The following PDGFD variants were observed in gnomAD, a reference collection of about 807,000 sequenced individuals.
PDGFD encodes platelet derived growth factor D.
A neutral mutation model predicts 44.7 loss-of-function variants in PDGFD; 30 were observed. The ratio of observed to expected loss-of-function variants is 0.67; its 90% CI spans 0.50 to 0.91. The LOEUF (loss-of-function observed/expected upper bound fraction) is 0.91. Among genes scored for constraint, PDGFD ranks in the 40% least tolerant of loss-of-function variants. The probability of loss-of-function intolerance (pLI) is 0.00; values close to 1 mark genes in which losing one functional copy is unlikely to be tolerated. For missense variants in PDGFD, 445 were observed against 457.8 expected, an observed-to-expected ratio of 0.97 and a Z score of 0.25; for synonymous variants, 173 against 168.4, an observed-to-expected ratio of 1.03 and a Z score of -0.21.
intron 5 of PDGFD, among the ~76,000 whole-genome samples, chr11:103,941,658 G>A (rs1245139725): frequency 6.6e-6 from 1 of 151,958 alleles, no homozygotes; most frequent in Non-Finnish European, 1.5e-5. Flanking sequence ...TAAGTGGCAG[G>A]GTTAGAATTT....
intron 1 of PDGFD, among the ~76,000 whole-genome samples, chr11:104,161,656 T>C (rs1862389742): frequency 6.6e-6 from 1 of 152,222 alleles, no homozygotes; most frequent in Admixed American, 6.5e-5. Flanking sequence ...TTATATCTGC[T>C]AGCCCTTTGA....
chr11:103,954,498 G>A (rs1027871908), intron 3 of PDGFD, among the ~76,000 whole-genome samples: 2 of 152,190 alleles, frequency 1.3e-5, no homozygotes, highest in African/African-American at 4.8e-5. Context: ...GAGTAGATAA[G>A]CCATAAACTA....
intron 3 of PDGFD, among the ~76,000 whole-genome samples, chr11:103,974,070 T>C (rs113194198): frequency 1.6e-3 from 248 of 152,124 alleles, no homozygotes; most frequent in African/African-American, 5.6e-3. Flanking sequence ...GTTTACTGTG[T>C]AGAAAAGAAA....
At position 103,938,598 on chromosome 11, in the gene PDGFD, C is replaced by T. The variant is rs1241708962; in HGVS notation, c.772+4854G>A. 9.2e-5 allele frequency among the ~76,000 whole-genome samples: 14 copies of T among 152,206 alleles called. No homozygotes were observed. The South Asian group carries it at 2.7e-3, about 29-fold the overall frequency. On this transcript the variant is annotated intron_variant, in intron 5 of 6. Transcript: ENST00000393158. ...TCAATTTTGGCTTTTGTTGCCATTG[C>T]TTTTGGTGTTTTAGACATGAAGTCC...
intron 6 of PDGFD, among the ~76,000 whole-genome samples, chr11:103,919,502 CTTTT>C (rs71037206): frequency 5.6e-5 from 5 of 88,764 alleles, no homozygotes; most frequent in Admixed American, 1.4e-4. Context: ...AAGATTCTTC[CTTTT>C]TTTTTTTTTT....
chr11:103,950,551 G>A (rs1390510697), intron 3 of PDGFD, among the ~76,000 whole-genome samples: 2 of 94,938 alleles, frequency 2.1e-5, no homozygotes, highest in Non-Finnish European at 4.3e-5. Flanking sequence ...CAACAAGAGC[G>A]AAACTCTGTC....
At chr11:104,018,431 C>T (rs1417600444) in intron 1 of PDGFD, among the ~76,000 whole-genome samples, 3 of 152,166 alleles carry the variant, frequency 2.0e-5, no homozygotes, top group Non-Finnish European at 4.4e-5. Flanking sequence ...TCTTCTGTCT[C>T]CCTGGCCCTA....
In PDGFD at chr11:104,139,561, G is replaced by C. The variant is rs530684080; in HGVS notation, c.124+24243C>G. ...AAGACTAACACAAAAGTTACGTGTA[G>C]TAGCTACTGCTTTCAAGTAGATGCA... On this transcript the variant is annotated intron_variant, in intron 1 of 6. Coordinates refer to ENST00000393158, the MANE Select transcript of PDGFD (RefSeq NM_025208.5). 5.9e-5 allele frequency among the ~76,000 whole-genome samples: 9 copies of C among 152,296 alleles called. No individual in the cohort carries two copies. The East Asian group carries it at 1.7e-3, about 29-fold the overall frequency.
At chr11:104,155,984 A>G (rs1433272443) in intron 1 of PDGFD, among the ~76,000 whole-genome samples, 1 of 152,200 alleles carries the variant, frequency 6.6e-6, no homozygotes, top group African/African-American at 2.4e-5. Flanking sequence ...CCTAATATAT[A>G]CAACATAGGG....
In PDGFD at chr11:104,037,148, C is replaced by T. The variant is rs149392448; in HGVS notation, c.125-36893G>A. 2.4e-5 allele frequency: 39 copies of T among 1,613,670 alleles called. 1 individual carries two copies. The African/African-American group carries it at 4.9e-4, about 20-fold the overall frequency. Reference sequence around the variant, plus strand: ...GTGCCTGGGACGTCCAGCTCCCGTCCACAGCACCCTGGACAGCAGCAGCAG... The same window carrying T: ...GTGCCTGGGACGTCCAGCTCCCGTCTACAGCACCCTGGACAGCAGCAGCAG... On this transcript the variant is annotated intron_variant, in intron 1 of 6. Coordinates refer to ENST00000393158, the MANE Select transcript of PDGFD (RefSeq NM_025208.5).
Position 104,000,222 on chromosome 11 carries a change from T to A in PDGFD, c.158A>T (p.Asp53Val), listed in dbSNP as rs1479788326. The change falls in exon 2 of 7, where the codon GAT becomes GTT. Residue 53 changes from aspartate to valine, a missense_variant. Physicochemically the swap from Asp to Val is radical, Grantham distance 152 (BLOSUM62 -3). Transcript: ENST00000393158. Reference sequence around the variant, plus strand: ...GTTTCCTTTCACCTGGATGGTCTCATCTCTTCGGTACAAGTCTGTGAGGTG... The same window carrying A: ...GTTTCCTTTCACCTGGATGGTCTCAACTCTTCGGTACAAGTCTGTGAGGTG... The part of the protein sequence containing the change: ...SNHLTDLYRR[D>V]ETIQVKGNGY... 3 of 1,613,914 alleles carry A rather than the reference T, an allele frequency of 1.9e-6. No homozygotes were observed. The highest frequency in any genetic ancestry group is 3.3e-5 in the Admixed American group (2 of 59,990).
chr11:103,922,933 C>T (rs1323235264), intron 6 of PDGFD, among the ~76,000 whole-genome samples: 1 of 152,070 alleles, frequency 6.6e-6, no homozygotes, highest in African/African-American at 2.4e-5. Context: ...TCTGAACAAA[C>T]AGGCCTTGCT....
At chr11:103,969,881 G>T (rs1412327770) in intron 3 of PDGFD, among the ~76,000 whole-genome samples, 1 of 151,768 alleles carries the variant, frequency 6.6e-6, no homozygotes, top group East Asian at 1.9e-4. Flanking sequence ...GAAAACAAAA[G>T]GTCATCTTAG....
rs55959221 is a variant in PDGFD at position 104,131,801 on chromosome 11, T to TAAA, written c.124+32000_124+32002dup. ...AAGTATCCTAAATGGCAATGAACTGTAAAAAAAAAAAAAAAAAAAAAAAAA... is the reference window on the plus strand; with the variant it reads ...AAGTATCCTAAATGGCAATGAACTGTAAAAAAAAAAAAAAAAAAAAAAAAAAAA... On this transcript the variant is annotated intron_variant, in intron 1 of 6. Coordinates refer to ENST00000393158, the MANE Select transcript of PDGFD (RefSeq NM_025208.5). Among the ~76,000 whole-genome samples the TAAA allele has an allele frequency of 4.8e-3, 338 of 70,946 alleles. 8 individuals carry two copies. The highest frequency in any genetic ancestry group is 0.017 in the African/African-American group (302 of 17,810). The allele number at this position is 70,946 out of a possible 152,430, so 46.5% of individuals were successfully genotyped here.
chr11:104,060,450 A>G (rs1860694905), intron 1 of PDGFD, among the ~76,000 whole-genome samples: 2 of 152,168 alleles, frequency 1.3e-5, no homozygotes. Flanking sequence ...TGGGATAAGC[A>G]TAGAGGGTAT....
intron 4 of PDGFD, 63 bp downstream of exon 4, chr11:103,947,599 T>C (rs1858684304): frequency 7.7e-7 from 1 of 1,301,832 alleles, no homozygotes; most frequent in Non-Finnish European, 1.1e-6. Context: ...GAAGTCCTTT[T>C]GGGGTTGACC....
At chr11:104,022,333 A>C (rs1036945614) in intron 1 of PDGFD, among the ~76,000 whole-genome samples, 6 of 152,156 alleles carry the variant, frequency 3.9e-5, no homozygotes, top group Non-Finnish European at 8.8e-5. Flanking sequence ...GATACTGTTC[A>C]AGATTAATAG....
intron 6 of PDGFD, among the ~76,000 whole-genome samples, chr11:103,916,030 G>C (rs529441732): frequency 3.3e-5 from 5 of 152,108 alleles, no homozygotes; most frequent in African/African-American, 4.8e-5. Flanking sequence ...TATGGACATG[G>C]GCAAAGACTT....
At chr11:103,949,061 G>A (rs1858706371) in intron 3 of PDGFD, among the ~76,000 whole-genome samples, 2 of 145,778 alleles carry the variant, frequency 1.4e-5, no homozygotes, top group African/African-American at 5.2e-5. Flanking sequence ...GGTGTGCAGT[G>A]GCGTGATCTT....
Sources: allele counts gnomAD v4.1 joint callset (sites outside exome capture counted in the v4.1 genomes callset), GRCh38; gene constraint gnomAD v4.1.1; transcripts MANE v1.5; gene names NCBI Gene and HGNC (gene_info 2026-07-23, HGNC 2026-07-21).